CDC27: variants seen among roughly 807,000 people sequenced by gnomAD.
CDC27 encodes the protein cell division cycle 27.
A neutral mutation model predicts 109.7 loss-of-function variants in CDC27; 27 were observed. The ratio of observed to expected loss-of-function variants is 0.25; its 90% CI spans 0.18 to 0.34. CDC27 has a LOEUF of 0.34. CDC27 is among the 10% of genes least tolerant of loss of function. The pLI, the probability that CDC27 is intolerant of heterozygous loss-of-function variation, is 1.00. For missense variants in CDC27, 579 were observed against 960.2 expected, an observed-to-expected ratio of 0.60 and a Z score of 5.25; for synonymous variants, 266 against 333.9, an observed-to-expected ratio of 0.80 and a Z score of 2.22.
Position 47,124,018 on chromosome 17 carries a change from C to T in CDC27, c.2161-58G>A, listed in dbSNP as rs145945685. The stretch of plus-strand genomic sequence containing the variant: ...AAAAATTTTTAAAGTTTTGACCAAG[C>T]GTTTTTACTTATTTGATTTCCCAAA... On this transcript the variant is annotated intron_variant, in intron 16 of 18. Coordinates refer to ENST00000066544, the MANE Select transcript of CDC27 (RefSeq NM_001256.6). The T allele has an allele frequency of 3.4e-5, 39 of 1,134,012 alleles. No homozygotes were observed. In the East Asian group the frequency reaches 6.4e-4, roughly 19 times the overall value. 70.2% of individuals were successfully genotyped at this position (1,134,012 alleles called of 1,614,324 possible).
chr17:47,186,239 A>T (rs1301355468), intron 1 of CDC27, among the ~76,000 whole-genome samples: 1 of 152,216 alleles, frequency 6.6e-6, no homozygotes, highest in African/African-American at 2.4e-5. Context: ...ATGCACATTA[A>T]ATCTAAATTT....
chr17:47,137,416 C>T, intron 13 of CDC27, 56 bp from the exon 14 acceptor site: 1 of 1,072,090 alleles, frequency 9.3e-7, no homozygotes, highest in Non-Finnish European at 1.3e-6. Context: ...TTTTCTAAAA[C>T]CAAATCTATG....
chr17:47,180,659 G>T (rs1314628876), intron 2 of CDC27, among the ~76,000 whole-genome samples: 3 of 151,398 alleles, frequency 2.0e-5, no homozygotes, highest in Non-Finnish European at 4.4e-5. Context: ...TCTTAGAAAG[G>T]GAATTATAAT....
rs753013739 is a variant in CDC27 at position 47,122,412 on chromosome 17, T to C, written c.2392+32A>G. On this transcript the variant is annotated intron_variant, in intron 18 of 18. Coordinates refer to ENST00000066544, the MANE Select transcript of CDC27 (RefSeq NM_001256.6). ...AATCCTTATGCAAAAGGTAACTTTC[T>C]AAATACTCAAAATCATATGTATGAT... The C allele has an allele frequency of 2.8e-6, 4 of 1,442,096 alleles. No individual in the cohort carries two copies. In the East Asian group the frequency reaches 9.6e-5, roughly 35 times the overall value. 89.3% of individuals were successfully genotyped at this position (1,442,096 alleles called of 1,614,324 possible). A position where few individuals can be genotyped will look rare whatever the true frequency, so the allele number is the denominator to read the frequency against.
intron 15 of CDC27, among the ~76,000 whole-genome samples, chr17:47,131,224 T>C (rs1225549581): frequency 6.6e-6 from 1 of 152,202 alleles, no homozygotes; most frequent in East Asian, 1.9e-4. Flanking sequence ...AGATTTAATT[T>C]TGAATTGAAT....
At chr17:47,124,903 T>C (rs1191429735) in intron 16 of CDC27, among the ~76,000 whole-genome samples, 1 of 152,086 alleles carries the variant, frequency 6.6e-6, no homozygotes, top group Admixed American at 6.6e-5. Flanking sequence ...ACTCTGAGAA[T>C]TATTACTTTA....
At chr17:47,181,254 CAAA>C (rs34104273) in intron 2 of CDC27, 39 of 31,206 alleles carry the variant, frequency 1.2e-3, no homozygotes, top group Non-Finnish European at 1.9e-3. Flanking sequence ...GACCCTGTTT[CAAA>C]AAAAAAAAAA....
chr17:47,189,033 G>T (rs2064567307), intron 1 of CDC27, 113 bp downstream of exon 1: 1 of 1,512,470 alleles, frequency 6.6e-7, no homozygotes, highest in Non-Finnish European at 9.1e-7. Context: ...CGGCAGCAGG[G>T]GAGGCGGGAG....
At chr17:47,123,219 T>C (rs1340816619) in intron 17 of CDC27, among the ~76,000 whole-genome samples, 1 of 152,102 alleles carries the variant, frequency 6.6e-6, no homozygotes, top group Admixed American at 6.6e-5. Flanking sequence ...TTAACTTTCA[T>C]TTACAGTGAT....
chr17:47,127,699 C>T (rs759777725), intron 16 of CDC27, among the ~76,000 whole-genome samples: 1 of 151,760 alleles, frequency 6.6e-6, no homozygotes, highest in African/African-American at 2.4e-5. Flanking sequence ...CTGTGCCTGG[C>T]CCTATTTTTT....
intron 1 of CDC27, among the ~76,000 whole-genome samples, chr17:47,184,920 G>C (rs2064374449): frequency 6.6e-6 from 1 of 152,164 alleles, no homozygotes; most frequent in African/African-American, 2.4e-5. Context: ...ATTAAAGCCA[G>C]ATGAACGAAA....
chr17:47,168,197 G>A (rs1210830663), intron 4 of CDC27, among the ~76,000 whole-genome samples: 1 of 152,084 alleles, frequency 6.6e-6, no homozygotes, highest in East Asian at 1.9e-4. Context: ...CAATTTAATG[G>A]TGAAACTTAA....
Position 47,147,425 on chromosome 17 carries a change from AAAC to A in CDC27, c.1071-3446_1071-3444del, listed in dbSNP as rs754871277. ...AAAACAAACAAACAAACAAACAAAC[AAAC>A]AAAAAAAAAAACACTAGGCATAGAA... On this transcript the variant is annotated intron_variant, in intron 9 of 18. Transcript: ENST00000066544. Among the ~76,000 whole-genome samples, 951 of 102,934 alleles carry A rather than the reference AAAC, an allele frequency of 9.2e-3. 13 individuals carry two copies. Among genetic ancestry groups the A allele is most frequent in the African/African-American group, 0.03 (831 of 27,620 alleles). 67.5% of individuals were successfully genotyped at this position (102,934 alleles called of 152,430 possible).
intron 8 of CDC27, among the ~76,000 whole-genome samples, chr17:47,153,683 T>C (rs971437381): frequency 6.6e-6 from 1 of 152,220 alleles, no homozygotes; most frequent in Non-Finnish European, 1.5e-5. Flanking sequence ...ATTTTATATA[T>C]AGAACCTAAT....
chr17:47,129,494 T>C lies in CDC27; in HGVS notation c.2059A>G (p.Lys687Glu), dbSNP rs1209543235. ...GCTTTGTTTAGGGTATCCAAAGCCT[T>C]CTCTGATTTTTTCAGTGCATGTTGA... Reference protein sequence around the residue: ...VVQHALKKSEKALDTLNKAIV... With the variant: ...VVQHALKKSEEALDTLNKAIV... Residue 687 changes from lysine (K) to glutamate (E), a missense_variant, in exon 16 of 19, where the codon AAG becomes GAG. By Grantham distance (56) the Lys-to-Glu change is moderately conservative (BLOSUM62 1). Transcript: ENST00000066544. The C allele has an allele frequency of 6.2e-7, 1 of 1,606,960 alleles. No homozygotes were observed. Among genetic ancestry groups the C allele is most frequent in the Non-Finnish European group, 8.5e-7 (1 of 1,175,210 alleles).
chr17:47,125,493 A>G (rs2062111536), intron 16 of CDC27, among the ~76,000 whole-genome samples: 1 of 143,744 alleles, frequency 7.0e-6, no homozygotes, highest in Admixed American at 6.9e-5. Context: ...TGATCCTCTC[A>G]CCTTGGCCTC....
chr17:47,122,036 C>A (rs1285839400), intron 18 of CDC27, among the ~76,000 whole-genome samples: 2 of 152,100 alleles, frequency 1.3e-5, no homozygotes, highest in Non-Finnish European at 2.9e-5. Context: ...CTGCGACTGG[C>A]CCCATGGCTT....
chr17:47,122,723 G>A, intron 17 of CDC27, 123 bp from the exon 18 acceptor site: 1 of 630,958 alleles, frequency 1.6e-6, no homozygotes, highest in Non-Finnish European at 2.3e-6. Flanking sequence ...ACCCAGGCTA[G>A]AGTGCAATGG....
chr17:47,142,537 G>A (rs1480126733), intron 10 of CDC27, 101 bp from the exon 11 acceptor site: 2 of 520,862 alleles, frequency 3.8e-6, no homozygotes, highest in South Asian at 6.9e-5. Flanking sequence ...GTACAATCTT[G>A]ATTAATTCTA....
Sources: allele counts gnomAD v4.1 joint callset (sites outside exome capture counted in the v4.1 genomes callset), GRCh38; gene constraint gnomAD v4.1.1; transcripts MANE v1.5; gene names NCBI Gene and HGNC (gene_info 2026-07-23, HGNC 2026-07-21).